The following TTI1 variants were observed in gnomAD, a reference collection of about 807,000 sequenced individuals.
TTI1 encodes TELO2-interacting protein 1 homolog.
Under a neutral mutation model 85.4 loss-of-function variants are expected in TTI1, and 52 were observed. The observed-to-expected ratio is 0.61, with a 90% CI of 0.49 to 0.77. The LOEUF (loss-of-function observed/expected upper bound fraction) is 0.77. Among genes scored for constraint, TTI1 ranks in the 30% least tolerant of loss-of-function variants. The probability of loss-of-function intolerance (pLI) is 0.00; values close to 1 mark genes in which losing one functional copy is unlikely to be tolerated. For missense variants in TTI1, 1,173 were observed against 1,296.0 expected (o/e 0.91, Z 1.46); for synonymous variants, 512 against 503.9 (o/e 1.02, Z -0.22).
chr20:38,009,129 C>T (rs537373048), intron 2 of TTI1, among the ~76,000 whole-genome samples: 149 of 152,296 alleles, frequency 9.8e-4, no homozygotes, highest in South Asian at 7.0e-3. Flanking sequence ...CAGGGCTTTT[C>T]TTAACCTACA....
intron 3 of TTI1, among the ~76,000 whole-genome samples, chr20:38,003,985 T>C (rs1013628836): frequency 6.6e-6 from 1 of 152,168 alleles, no homozygotes; most frequent in African/African-American, 2.4e-5. Context: ...GGCAGCTTGG[T>C]GTAGTTCATA....
At chr20:38,020,323 A>AAATATATATATCTAT in intron 1 of TTI1, among the ~76,000 whole-genome samples, 1 of 50,382 alleles carries the variant, frequency 2.0e-5, no homozygotes, top group Non-Finnish European at 3.6e-5. Flanking sequence ...AAAAAAAAAA[A>AAATATATATATCTAT]ATATATATAT....
At position 37,996,766 on chromosome 20, in the gene TTI1, C is replaced by G. The variant is rs779953193; in HGVS notation, c.2981G>C (p.Cys994Ser). 6.2e-7 allele frequency: 1 copy of G among 1,611,382 alleles called. No homozygotes were observed. Among genetic ancestry groups the G allele is most frequent in the Admixed American group, 1.7e-5 (1 of 59,932 alleles). The change falls in exon 6 of 8, where the codon TGT (cysteine) becomes TCT (serine). Residue 994 changes from cysteine (C) to serine (S), a missense_variant. Coordinates refer to ENST00000373447, the MANE Select transcript of TTI1 (RefSeq NM_001303457.2). ...GTACCCACCTAGGTCCAGTCTCTCA[C>G]AGAGGGGGCCCAGGCCCTGTAAGAC... Reference protein sequence around the residue: ...LAVLQGLGPLCERLDLGEGDL... With the variant: ...LAVLQGLGPLSERLDLGEGDL...
chr20:37,986,200 G>A (rs755009442), intron 7 of TTI1, among the ~76,000 whole-genome samples: 1 of 152,146 alleles, frequency 6.6e-6, no homozygotes, highest in Non-Finnish European at 1.5e-5. Flanking sequence ...ACAGCGTGGT[G>A]CTCTCCCAGC....
At chr20:38,018,376 T>C (rs2073714583) in intron 1 of TTI1, among the ~76,000 whole-genome samples, 1 of 152,150 alleles carries the variant, frequency 6.6e-6, no homozygotes, top group African/African-American at 2.4e-5. Context: ...TAAATTGGAC[T>C]TAGCAGGAGA....
intron 5 of TTI1, among the ~76,000 whole-genome samples, chr20:37,998,063 G>C (rs2122517044): frequency 6.6e-6 from 1 of 152,254 alleles, no homozygotes; most frequent in Admixed American, 6.5e-5. Context: ...CTGAGTAGCT[G>C]GGATTATAGG....
chr20:38,031,677 A>G (rs563154167), intron 1 of TTI1, among the ~76,000 whole-genome samples: 1 of 152,372 alleles, frequency 6.6e-6, no homozygotes, highest in Admixed American at 6.5e-5. Flanking sequence ...TGCTTTGGAC[A>G]TAGGTGCTGA....
intron 1 of TTI1, among the ~76,000 whole-genome samples, chr20:38,029,883 CCTTGGGACTCTGCAGAGTCCCCA>C (rs1420078986): frequency 6.6e-6 from 1 of 152,112 alleles, no homozygotes; most frequent in Non-Finnish European, 1.5e-5. Context: ...TCCTGCACTG[CCTTGGGACTCTGCAGAGTCCCCA>C]CCAGCAAGAA....
intron 2 of TTI1, among the ~76,000 whole-genome samples, chr20:38,010,954 G>T (rs528370800): frequency 6.6e-6 from 1 of 152,174 alleles, no homozygotes; most frequent in Non-Finnish European, 1.5e-5. Context: ...GTAAAATATA[G>T]AATTCAGTTC....
At chr20:37,996,567 T>C (rs2073342060) in intron 6 of TTI1, 105 bp from the exon 7 acceptor site, 1 of 1,449,038 alleles carries the variant, frequency 6.9e-7, no homozygotes. Flanking sequence ...CAAGATGCTC[T>C]GGGCTCTCTA....
Position 38,012,311 on chromosome 20 carries a change from A to G in TTI1, c.1506T>C (p.Tyr502=). The change falls in exon 2 of 8, where the codon TAT becomes TAC. Residue 502 remains tyrosine, a synonymous_variant. Transcript: ENST00000373447. The part of the protein sequence containing the change: ...CQLLGYYGNL[Y]LLVDHFMELY... ...GTTCCATAAAGTGATCCACAAGCAAATAAAGATTCCCATAATAACCAAGTA... is the reference window on the plus strand; with the variant it reads ...GTTCCATAAAGTGATCCACAAGCAAGTAAAGATTCCCATAATAACCAAGTA... 6.2e-7 allele frequency: 1 copy of G among 1,614,214 alleles called. No individual in the cohort carries two copies. The highest frequency in any genetic ancestry group is 1.1e-5 in the South Asian group (1 of 91,076).
intron 5 of TTI1, among the ~76,000 whole-genome samples, chr20:37,997,935 T>C (rs2073366410): frequency 6.6e-6 from 1 of 152,200 alleles, no homozygotes; most frequent in Admixed American, 6.5e-5. Flanking sequence ...TTAATCTCTT[T>C]CTTTTTTCGA....
intron 7 of TTI1, 65 bp downstream of exon 7, chr20:37,996,310 C>A: frequency 6.4e-7 from 1 of 1,558,406 alleles, no homozygotes; most frequent in Non-Finnish European, 8.8e-7. Context: ...ACTCTGCTTG[C>A]CATTAGCAAA....
At chr20:37,999,138 C>G (rs756218097) in intron 5 of TTI1, 50 bp downstream of exon 5, 15 of 1,325,912 alleles carry the variant, frequency 1.1e-5, no homozygotes, top group Non-Finnish European at 1.5e-5. Flanking sequence ...GAGCTCTGTG[C>G]CTACTAACTC....
At chr20:37,995,554 C>T (rs1402663978) in intron 7 of TTI1, among the ~76,000 whole-genome samples, 3 of 152,228 alleles carry the variant, frequency 2.0e-5, no homozygotes, top group Admixed American at 6.5e-5. Context: ...GCCCAGCTTT[C>T]GCCCCAGCAG....
At position 38,006,755 on chromosome 20, in the gene TTI1, A is replaced by G. The variant is rs1359552530; in HGVS notation, c.2303-358T>C. Among the ~76,000 whole-genome samples, 3 of 152,230 alleles carry G rather than the reference A, an allele frequency of 2.0e-5. No homozygotes were observed. The East Asian group carries it at 5.8e-4, about 29-fold the overall frequency. On this transcript the variant is annotated intron_variant, in intron 2 of 7. Coordinates refer to ENST00000373447, the MANE Select transcript of TTI1 (RefSeq NM_001303457.2). ...ACTTAGGTCACTTACATGATGTCTT[A>G]TATAGCACTCTGCTCTTTCTCTTCA...
At chr20:37,997,264 A>AG (rs1044267169) in intron 5 of TTI1, among the ~76,000 whole-genome samples, 11 of 152,086 alleles carry the variant, frequency 7.2e-5, no homozygotes, top group South Asian at 6.3e-4. Context: ...AAAAAAAAAA[A>AG]AGAGAAGAGC....
chr20:38,028,478 A>C (rs1043582493), intron 1 of TTI1, among the ~76,000 whole-genome samples: 1 of 152,248 alleles, frequency 6.6e-6, no homozygotes, highest in Admixed American at 6.5e-5. Flanking sequence ...ACATACTGCA[A>C]TCTTAAAATG....
intron 1 of TTI1, among the ~76,000 whole-genome samples, chr20:38,020,142 GA>G (rs1242006328): frequency 6.6e-6 from 1 of 151,278 alleles, no homozygotes; most frequent in African/African-American, 2.4e-5. Flanking sequence ...ATAATTAAAG[GA>G]CAGTGTATAC....
Sources: allele counts gnomAD v4.1 joint callset (sites outside exome capture counted in the v4.1 genomes callset), GRCh38; gene constraint gnomAD v4.1.1; transcripts MANE v1.5; gene names NCBI Gene and HGNC (gene_info 2026-07-23, HGNC 2026-07-21).